Variants in GNG12 observed in about 807,000 individuals in gnomAD.
GNG12 encodes guanine nucleotide-binding protein G(I)/G(S)/G(O) subunit gamma-12.
For missense variants in GNG12, 69 were observed against 83.8 expected, an observed-to-expected ratio of 0.82 and a Z score of 0.69; for synonymous variants, 28 against 29.7, an observed-to-expected ratio of 0.94 and a Z score of 0.19.
intron 1 of GNG12, among the ~76,000 whole-genome samples, chr1:67,780,837 C>T (rs893898752): frequency 6.6e-6 from 1 of 152,144 alleles, no homozygotes; most frequent in Non-Finnish European, 1.5e-5. Context: ...GCATGTAGAA[C>T]TAAGTAATAA....
intron 2 of GNG12, among the ~76,000 whole-genome samples, chr1:67,765,880 C>CACA (rs1359593556): frequency 6.6e-6 from 1 of 152,024 alleles, no homozygotes; most frequent in African/African-American, 2.4e-5. Context: ...TTACGTCTGC[C>CACA]ACAACCCCAA....
intron 1 of GNG12, among the ~76,000 whole-genome samples, chr1:67,808,575 T>C (rs1037275157): frequency 6.6e-6 from 1 of 152,108 alleles, no homozygotes; most frequent in African/African-American, 2.4e-5. Context: ...AAAAGATTCC[T>C]GGAACTAGTG....
At chr1:67,745,545 G>A (rs558993102) in intron 2 of GNG12, among the ~76,000 whole-genome samples, 4 of 152,242 alleles carry the variant, frequency 2.6e-5, no homozygotes, top group African/African-American at 7.2e-5. Context: ...GGACAAAACT[G>A]CTTTATTTCT....
chr1:67,744,849 A>G (rs1204083433), intron 2 of GNG12, among the ~76,000 whole-genome samples: 1 of 152,188 alleles, frequency 6.6e-6, no homozygotes, highest in Non-Finnish European at 1.5e-5. Flanking sequence ...CTCCCAGCAC[A>G]TCTCCTAAGA....
intron 2 of GNG12, among the ~76,000 whole-genome samples, chr1:67,742,000 G>T (rs890481591): frequency 3.3e-5 from 5 of 152,188 alleles, no homozygotes; most frequent in Non-Finnish European, 7.3e-5. Context: ...CTGTGACCGT[G>T]GGGTAAGTCA....
intron 2 of GNG12, among the ~76,000 whole-genome samples, chr1:67,757,356 C>A (rs773647242): frequency 6.6e-6 from 1 of 152,136 alleles, no homozygotes; most frequent in African/African-American, 2.4e-5. Flanking sequence ...GAATGATCAG[C>A]CTACATGAGG....
intron 2 of GNG12, among the ~76,000 whole-genome samples, chr1:67,771,737 G>A (rs1307854455): frequency 2.0e-5 from 3 of 152,206 alleles, no homozygotes; most frequent in Non-Finnish European, 4.4e-5. Flanking sequence ...TGTTCCAGGA[G>A]AGGCAGCTGG....
At chr1:67,766,367 T>G (rs1227724206) in intron 2 of GNG12, among the ~76,000 whole-genome samples, 1 of 145,716 alleles carries the variant, frequency 6.9e-6, no homozygotes, top group Non-Finnish European at 1.5e-5. Flanking sequence ...TAGAAAGATA[T>G]TCACATACAA....
intron 1 of GNG12, among the ~76,000 whole-genome samples, chr1:67,829,270 C>T (rs1465872361): frequency 6.6e-6 from 1 of 152,038 alleles, no homozygotes; most frequent in Non-Finnish European, 1.5e-5. Flanking sequence ...CTGTAACAGA[C>T]TTCATGTATT....
intron 2 of GNG12, among the ~76,000 whole-genome samples, chr1:67,771,908 T>A (rs1646677178): frequency 6.6e-6 from 1 of 152,166 alleles, no homozygotes; most frequent in Non-Finnish European, 1.5e-5. Context: ...CCTAAAAACC[T>A]CAACATATAA....
intron 2 of GNG12, among the ~76,000 whole-genome samples, chr1:67,773,931 T>G (rs75172984): frequency 0.016 from 2,504 of 152,282 alleles, 80 homozygotes; most frequent in African/African-American, 0.057. Flanking sequence ...ATCCTTGGAC[T>G]AAGCAAGACC....
At chr1:67,773,687 T>C (rs1286784712) in intron 2 of GNG12, among the ~76,000 whole-genome samples, 2 of 152,188 alleles carry the variant, frequency 1.3e-5, no homozygotes, top group South Asian at 2.1e-4. Flanking sequence ...TAGTGTAGAA[T>C]GACTTGAGAG....
Position 67,760,031 on chromosome 1 carries a change from G to C in GNG12, c.-27+17427C>G, listed in dbSNP as rs568613021. Among the ~76,000 whole-genome samples, 11 of 152,350 alleles carry C rather than the reference G, an allele frequency of 7.2e-5. No individual in the cohort carries two copies. In the South Asian group the frequency reaches 2.3e-3, roughly 32 times the overall value. ...AGCCTTCAAAGCTTTAGCAGTTGGC[G>C]TGGCAAGGAACAGAAAAGCAGCATT... On this transcript the variant is annotated intron_variant, in intron 2 of 3. Transcript: ENST00000370982.
chr1:67,826,333 G>A (rs1423796014), intron 1 of GNG12, among the ~76,000 whole-genome samples: 1 of 152,194 alleles, frequency 6.6e-6, no homozygotes, highest in Non-Finnish European at 1.5e-5. Flanking sequence ...CCTACTCCAG[G>A]ATGCATGTGG....
At chr1:67,799,917 A>G (rs1299553865) in intron 1 of GNG12, among the ~76,000 whole-genome samples, 1 of 152,004 alleles carries the variant, frequency 6.6e-6, no homozygotes, top group Non-Finnish European at 1.5e-5. Context: ...TCTAAATCCA[A>G]TTTTTGTGAC....
chr1:67,750,353 C>T (rs1344339466), intron 2 of GNG12, among the ~76,000 whole-genome samples: 1 of 152,208 alleles, frequency 6.6e-6, no homozygotes, highest in Non-Finnish European at 1.5e-5. Context: ...CCTCACATCC[C>T]TCTTTCACAC....
At chr1:67,831,001 A>C (rs180979958) in intron 1 of GNG12, among the ~76,000 whole-genome samples, 59 of 152,360 alleles carry the variant, frequency 3.9e-4, no homozygotes, top group African/African-American at 1.4e-3. Flanking sequence ...GATAGAGACC[A>C]TTATTATCCC....
intron 1 of GNG12, among the ~76,000 whole-genome samples, chr1:67,818,984 ATTTTC>A (rs1646970211): frequency 6.6e-6 from 1 of 151,936 alleles, no homozygotes; most frequent in Non-Finnish European, 1.5e-5. Flanking sequence ...CTCATAGACA[ATTTTC>A]TATTGTCTAT....
chr1:67,753,466 A>G lies in GNG12; in HGVS notation c.-27+23992T>C, dbSNP rs557497352. Among the ~76,000 whole-genome samples the G allele has an allele frequency of 3.3e-4, 51 of 152,298 alleles. No individual in the cohort carries two copies. In the South Asian group the frequency reaches 0.01, roughly 31 times the overall value. On this transcript the variant is annotated intron_variant, in intron 2 of 3. Coordinates refer to ENST00000370982, the MANE Select transcript of GNG12 (RefSeq NM_018841.6). Reference sequence around the variant, plus strand: ...TCATGCCCTACAGTGAACATCACCCATGACAAGTCCTGCGACTGGAGGAAA... The same window carrying G: ...TCATGCCCTACAGTGAACATCACCCGTGACAAGTCCTGCGACTGGAGGAAA...
Sources: gnomAD v4.1 joint callset for allele counts (sites outside exome capture counted in the v4.1 genomes callset) on GRCh38, gnomAD v4.1.1 for gene constraint, MANE v1.5 for transcripts, NCBI Gene and HGNC (gene_info 2026-07-23, HGNC 2026-07-21) for gene names.